The following ZFPM1 variants were observed in gnomAD, a reference collection of about 807,000 sequenced individuals.
ZFPM1 encodes zinc finger protein, FOG family member 1.
Under a neutral mutation model 46.3 loss-of-function variants are expected in ZFPM1, and 28 were observed. The ratio of observed to expected loss-of-function variants is 0.60; its 90% confidence interval spans 0.45 to 0.83. ZFPM1 has a LOEUF of 0.83. Among genes scored for constraint, ZFPM1 ranks in the 40% least tolerant of loss-of-function variants. The pLI is 0.00. For missense variants in ZFPM1, 1,878 were observed against 1,432.4 expected (o/e 1.31, Z -5.02); for synonymous variants, 957 against 675.9 (o/e 1.42, Z -6.45).
intron 6 of ZFPM1, among the ~76,000 whole-genome samples, chr16:88,529,037 T>C: frequency 6.6e-6 from 1 of 152,250 alleles, no homozygotes; most frequent in Non-Finnish European, 1.5e-5. Flanking sequence ...CCCAGCACCG[T>C]GGGAGGCCGA....
chr16:88,471,388 C>T lies in ZFPM1; in HGVS notation c.41-14551C>T, dbSNP rs114621407. On this transcript the variant is annotated intron_variant, in intron 1 of 9. Transcript: ENST00000319555. The surrounding 1 kb of genome is among the most constrained non-coding windows in gnomAD (Gnocchi z 4.1). ...TCACAGTTCAGGACCCCGAGATGAC[C>T]GTGCCCACAGTGGCTCCCACGCATA... Among the ~76,000 whole-genome samples, 115 of 151,034 alleles carry T rather than the reference C, an allele frequency of 7.6e-4. No individual in the cohort carries two copies. The highest frequency in any genetic ancestry group is 2.7e-3 in the African/African-American group (109 of 40,376).
intron 1 of ZFPM1, among the ~76,000 whole-genome samples, chr16:88,467,879 AG>A (rs1412542424): frequency 6.6e-6 from 1 of 152,144 alleles, no homozygotes; most frequent in African/African-American, 2.4e-5. Context: ...TGTGCGGTGG[AG>A]GAGGTGCTAT....
intron 3 of ZFPM1, among the ~76,000 whole-genome samples, chr16:88,491,717 T>C (rs1388317916): frequency 2.0e-5 from 3 of 152,204 alleles, no homozygotes; most frequent in Admixed American, 1.3e-4. Flanking sequence ...TCCTGTGCTG[T>C]GTGCATCCTC....
chr16:88,514,987 C>A (rs1911208974), intron 4 of ZFPM1, among the ~76,000 whole-genome samples: 1 of 152,202 alleles, frequency 6.6e-6, no homozygotes, highest in African/African-American at 2.4e-5. Context: ...GTGCTCATCT[C>A]CTTGGTGACA....
At chr16:88,493,897 C>G (rs1417691706) in intron 3 of ZFPM1, among the ~76,000 whole-genome samples, 1 of 152,166 alleles carries the variant, frequency 6.6e-6, no homozygotes, top group African/African-American at 2.4e-5. Context: ...TCGAGCGCCA[C>G]GGCTTCAAAG....
At chr16:88,512,271 C>T (rs1010056118) in intron 3 of ZFPM1, among the ~76,000 whole-genome samples, 5 of 152,172 alleles carry the variant, frequency 3.3e-5, no homozygotes, top group African/African-American at 1.2e-4. Flanking sequence ...GAGCCCAGGG[C>T]TGCCAGGACA....
chr16:88,462,037 C>T (rs565153434), intron 1 of ZFPM1, among the ~76,000 whole-genome samples: 1 of 152,368 alleles, frequency 6.6e-6, no homozygotes, highest in African/African-American at 2.4e-5. Context: ...CTCCTCCTCC[C>T]TCCCCAGCTG....
At chr16:88,492,404 C>T (rs1909630878) in intron 3 of ZFPM1, among the ~76,000 whole-genome samples, 1 of 152,172 alleles carries the variant, frequency 6.6e-6, no homozygotes, top group Non-Finnish European at 1.5e-5. Flanking sequence ...CTGGGAGGTG[C>T]CGTCCTCCTT....
chr16:88,464,159 A>G (rs541774444), intron 1 of ZFPM1, among the ~76,000 whole-genome samples: 2 of 152,292 alleles, frequency 1.3e-5, no homozygotes, highest in African/African-American at 4.8e-5. Context: ...GCCGCGTCTC[A>G]AGGAAGGGCC....
At chr16:88,465,579 G>A (rs758829438) in intron 1 of ZFPM1, among the ~76,000 whole-genome samples, 3 of 152,206 alleles carry the variant, frequency 2.0e-5, no homozygotes, top group Admixed American at 2.0e-4. Context: ...CTAGAACAGT[G>A]CCCGGTTATA....
chr16:88,507,817 C>T (rs1910742814), intron 3 of ZFPM1, among the ~76,000 whole-genome samples: 1 of 152,132 alleles, frequency 6.6e-6, no homozygotes, highest in African/African-American at 2.4e-5. Flanking sequence ...CCTTGTGAGG[C>T]CCCTCTGCAG....
At chr16:88,487,259 TG>T (rs1042191807) in intron 2 of ZFPM1, among the ~76,000 whole-genome samples, 1 of 152,148 alleles carries the variant, frequency 6.6e-6, no homozygotes, top group Non-Finnish European at 1.5e-5. Flanking sequence ...CAGCAGGTTG[TG>T]GGGTGGGCTC....
chr16:88,490,488 C>T (rs955744408), intron 3 of ZFPM1, among the ~76,000 whole-genome samples: 2 of 152,222 alleles, frequency 1.3e-5, no homozygotes, highest in African/African-American at 2.4e-5. Flanking sequence ...AGGCGCTCGC[C>T]GTGCTGGGGA....
intron 4 of ZFPM1, among the ~76,000 whole-genome samples, chr16:88,521,381 G>A (rs1447449125): frequency 1.3e-5 from 2 of 151,970 alleles, no homozygotes; most frequent in Non-Finnish European, 2.9e-5. Context: ...TCCCTGCATG[G>A]TTTCAGAGGA....
At chr16:88,481,666 A>G (rs1388085352) in intron 1 of ZFPM1, among the ~76,000 whole-genome samples, 2 of 149,010 alleles carry the variant, frequency 1.3e-5, no homozygotes, top group Non-Finnish European at 3.0e-5. Context: ...CCCCTCCTCC[A>G]TGCACCCTGT....
At chr16:88,489,965 G>C (rs922307134) in intron 3 of ZFPM1, among the ~76,000 whole-genome samples, 1 of 152,130 alleles carries the variant, frequency 6.6e-6, no homozygotes, top group Non-Finnish European at 1.5e-5. Flanking sequence ...AGGCGGGGTG[G>C]GGGTCGCAAG....
chr16:88,481,219 A>C (rs1489170308), intron 1 of ZFPM1, among the ~76,000 whole-genome samples: 3 of 152,166 alleles, frequency 2.0e-5, no homozygotes, highest in African/African-American at 7.2e-5. Flanking sequence ...GCCAATGACC[A>C]CAGCCATAGC....
chr16:88,489,228 G>T (rs985497035), intron 3 of ZFPM1, 75 bp downstream of exon 3: 27 of 1,504,948 alleles, frequency 1.8e-5, no homozygotes, highest in African/African-American at 4.2e-5. Context: ...GCAGGGCGAC[G>T]TGGGTGCTGG....
chr16:88,528,155 C>G lies in ZFPM1; in HGVS notation c.629C>G (p.Thr210Arg). The change falls in exon 6 of 10, where the codon ACG becomes AGG. Residue 210 changes from threonine (T) to arginine (R), a missense_variant. Thr to Arg is a moderately conservative substitution (Grantham distance 71, BLOSUM62 -1). Transcript: ENST00000319555. ...GTGAAGAAGGAGCCAGCAGAGCCCACGTGCCCGGCCCCTGCACACGACCTC... is the reference window on the plus strand; with the variant it reads ...GTGAAGAAGGAGCCAGCAGAGCCCAGGTGCCCGGCCCCTGCACACGACCTC... ...HPVKKEPAEPTCPAPAHDLQL... is the reference protein window; with the variant it reads ...HPVKKEPAEPRCPAPAHDLQL... 6.2e-7 allele frequency: 1 copy of G among 1,608,030 alleles called. No homozygotes were observed. Among genetic ancestry groups the G allele is most frequent in the Non-Finnish European group, 8.5e-7 (1 of 1,178,442 alleles).
Sources: gnomAD v4.1 joint callset for allele counts (sites outside exome capture counted in the v4.1 genomes callset) on GRCh38, gnomAD v4.1.1 for gene constraint, Gnocchi (gnomAD v3.1) non-coding constraint, MANE v1.5 for transcripts, NCBI Gene and HGNC (gene_info 2026-07-23, HGNC 2026-07-21) for gene names.